Variants in CPNE4 observed in about 807,000 individuals in gnomAD.
CPNE4 encodes copine 4.
In CPNE4, 25 loss-of-function variants were observed where a neutral mutation model predicts 67.9. The observed-to-expected ratio is 0.37, with a 90% CI of 0.27 to 0.51. CPNE4 has a LOEUF of 0.51. Ranked by LOEUF, CPNE4 falls within the 20% of genes least tolerant of loss-of-function variation. The probability of loss-of-function intolerance (pLI) is 0.93; values close to 1 mark genes in which losing one functional copy is unlikely to be tolerated. For missense variants in CPNE4, 464 were observed against 690.8 expected (o/e 0.67, Z 3.68); for synonymous variants, 242 against 244.9 (o/e 0.99, Z 0.11).
intron 5 of CPNE4, among the ~76,000 whole-genome samples, chr3:131,691,588 G>A (rs2081034458): frequency 6.6e-6 from 1 of 152,052 alleles, no homozygotes; most frequent in Non-Finnish European, 1.5e-5. Context: ...ACTACCTATT[G>A]GGTCCTATGC....
At chr3:131,657,196 C>T (rs542914705) in intron 7 of CPNE4, among the ~76,000 whole-genome samples, 2 of 152,110 alleles carry the variant, frequency 1.3e-5, no homozygotes, top group South Asian at 4.1e-4. Context: ...CAATGATTTC[C>T]TTCTGGTGTA....
chr3:131,784,536 T>C (rs2083505862), intron 2 of CPNE4, among the ~76,000 whole-genome samples: 1 of 152,016 alleles, frequency 6.6e-6, no homozygotes, highest in African/African-American at 2.4e-5. Flanking sequence ...CATTGAGGGG[T>C]AACCCTGAAC....
At chr3:132,017,004 C>T (rs1310137429) in intron 1 of CPNE4, among the ~76,000 whole-genome samples, 1 of 151,932 alleles carries the variant, frequency 6.6e-6, no homozygotes, top group African/African-American at 2.4e-5. Flanking sequence ...TCAATATATG[C>T]TAGCCGATCA....
At chr3:131,799,364 G>T (rs1359738999) in intron 2 of CPNE4, among the ~76,000 whole-genome samples, 1 of 152,036 alleles carries the variant, frequency 6.6e-6, no homozygotes, top group Non-Finnish European at 1.5e-5. Flanking sequence ...ATTGGGTTAG[G>T]CTCAGAATCC....
intron 1 of CPNE4, among the ~76,000 whole-genome samples, chr3:131,987,214 C>T (rs554194093): frequency 3.3e-5 from 5 of 152,164 alleles, no homozygotes; most frequent in Admixed American, 6.5e-5. Context: ...AGCTAATTAA[C>T]GATAGTAGAA....
intron 2 of CPNE4, among the ~76,000 whole-genome samples, chr3:131,817,306 G>C (rs1244845286): frequency 6.6e-6 from 1 of 152,048 alleles, no homozygotes; most frequent in Admixed American, 6.6e-5. Flanking sequence ...AGGAGAGGAG[G>C]GAGTTACCAA....
intron 1 of CPNE4, among the ~76,000 whole-genome samples, chr3:131,911,543 T>TTGTGTGTGTGTGTGTG (rs3041573): frequency 1.4e-5 from 2 of 146,066 alleles, no homozygotes; most frequent in East Asian, 2.0e-4. Flanking sequence ...GCACTCCAAG[T>TTGTGTGTGTGTGTGTG]TGTGTGTGTG....
chr3:132,006,985 T>C (rs555740122), intron 1 of CPNE4, among the ~76,000 whole-genome samples: 1 of 152,302 alleles, frequency 6.6e-6, no homozygotes, highest in African/African-American at 2.4e-5. Context: ...TCTGCTATAA[T>C]AAAAGCTCCT....
At chr3:131,697,959 G>A (rs1246422771) in intron 4 of CPNE4, among the ~76,000 whole-genome samples, 6 of 152,066 alleles carry the variant, frequency 3.9e-5, no homozygotes, top group African/African-American at 1.2e-4. Flanking sequence ...GGGGCCAGGG[G>A]CAGTGGCTCA....
At chr3:131,962,542 G>T (rs1324252353) in intron 1 of CPNE4, among the ~76,000 whole-genome samples, 1 of 152,158 alleles carries the variant, frequency 6.6e-6, no homozygotes, top group Admixed American at 6.5e-5. Context: ...GAGAAGACTA[G>T]AACTATATCT....
intron 2 of CPNE4, among the ~76,000 whole-genome samples, chr3:131,751,521 T>C (rs1481740351): frequency 7.4e-6 from 1 of 135,842 alleles, no homozygotes; most frequent in Non-Finnish European, 1.6e-5. Flanking sequence ...ATTTCTTTGC[T>C]GAGGTTTTCA....
At chr3:131,669,570 A>C (rs2107654833) in intron 7 of CPNE4, 105 bp downstream of exon 7, 1 of 810,432 alleles carries the variant, frequency 1.2e-6, no homozygotes, top group East Asian at 2.5e-5. Flanking sequence ...AGGGTTGGGT[A>C]CAGTGTAAAG....
At chr3:131,642,650 C>T (rs949127146) in intron 7 of CPNE4, among the ~76,000 whole-genome samples, 1 of 152,080 alleles carries the variant, frequency 6.6e-6, no homozygotes. Context: ...GGGCAGTTAC[C>T]CCCATGCTGC....
intron 6 of CPNE4, among the ~76,000 whole-genome samples, chr3:131,674,328 T>G (rs1404419090): frequency 1.3e-5 from 2 of 152,094 alleles, no homozygotes; most frequent in African/African-American, 4.8e-5. Flanking sequence ...ACTAGCCTCA[T>G]AGAATGAGTT....
intron 1 of CPNE4, among the ~76,000 whole-genome samples, chr3:131,978,077 A>G (rs1365329311): frequency 1.5e-4 from 5 of 34,056 alleles, no homozygotes; most frequent in African/African-American, 4.4e-4. Context: ...AAATATATAT[A>G]AATATATATA....
chr3:131,792,671 A>ATATG (rs1560322280), intron 2 of CPNE4, among the ~76,000 whole-genome samples: 1 of 41,660 alleles, frequency 2.4e-5, no homozygotes, highest in African/African-American at 7.2e-5. Context: ...GTGTATATAT[A>ATATG]CATATATACA....
At chr3:131,900,183 A>T (rs918992244) in intron 2 of CPNE4, among the ~76,000 whole-genome samples, 70 of 152,132 alleles carry the variant, frequency 4.6e-4, no homozygotes, top group African/African-American at 1.7e-3. Context: ...TAGGTGAAAG[A>T]TATGAATAGA....
At chr3:131,810,917 G>C (rs763259094) in intron 2 of CPNE4, among the ~76,000 whole-genome samples, 3 of 152,042 alleles carry the variant, frequency 2.0e-5, no homozygotes, top group Non-Finnish European at 4.4e-5. Flanking sequence ...ATTATGCTGG[G>C]TGAAATAAGC....
At chr3:132,019,360 T>A (rs2073946940) in intron 1 of CPNE4, among the ~76,000 whole-genome samples, 1 of 152,146 alleles carries the variant, frequency 6.6e-6, no homozygotes, top group South Asian at 2.1e-4. Context: ...GCACATGAAA[T>A]CTAAGCCCAC....
Sources: allele counts gnomAD v4.1 joint callset (sites outside exome capture counted in the v4.1 genomes callset), GRCh38; gene constraint gnomAD v4.1.1; transcripts MANE v1.5; gene names NCBI Gene and HGNC (gene_info 2026-07-23, HGNC 2026-07-21).